The following MEF2C variants were observed in gnomAD, a reference collection of about 807,000 sequenced individuals.
MEF2C encodes the protein myocyte enhancer factor 2C.
Under a neutral mutation model 50.5 loss-of-function variants are expected in MEF2C, and 6 were observed. The observed-to-expected ratio is 0.12, with a 90% confidence interval of 0.07 to 0.23. The LOEUF is 0.23. Ranked by LOEUF, MEF2C falls within the 10% of genes least tolerant of loss-of-function variation. The pLI, the probability that MEF2C is intolerant of heterozygous loss-of-function variation, is 1.00. For missense variants in MEF2C, 276 were observed against 605.0 expected (o/e 0.46, Z 5.70); for synonymous variants, 183 against 228.0 (o/e 0.80, Z 1.78).
At chr5:88,734,593 T>TCAA in intron 6 of MEF2C, 3 of 853,872 alleles carry the variant, frequency 3.5e-6, no homozygotes, top group Non-Finnish European at 4.1e-6. Context: ...TTTTTTTTTT[T>TCAA]TTTTTAGCAT....
intron 1 of MEF2C, among the ~76,000 whole-genome samples, chr5:88,841,413 C>A (rs1817295922): frequency 6.7e-6 from 1 of 149,310 alleles, no homozygotes; most frequent in African/African-American, 2.5e-5. Flanking sequence ...AAGCTGAGAT[C>A]AGAGGATCGT....
At chr5:88,800,544 A>G (rs574517160) in intron 3 of MEF2C, among the ~76,000 whole-genome samples, 1 of 152,314 alleles carries the variant, frequency 6.6e-6, no homozygotes, top group Admixed American at 6.5e-5. Flanking sequence ...CTGCATCTTC[A>G]GATCATCCTG....
At chr5:88,817,597 T>C (rs1418008285) in intron 2 of MEF2C, among the ~76,000 whole-genome samples, 1 of 151,988 alleles carries the variant, frequency 6.6e-6, no homozygotes, top group Non-Finnish European at 1.5e-5. Context: ...TGTCTTTAGT[T>C]TGTGCTCCAG....
intron 4 of MEF2C, among the ~76,000 whole-genome samples, chr5:88,754,734 A>T (rs1774469115): frequency 6.6e-6 from 1 of 152,204 alleles, no homozygotes; most frequent in Non-Finnish European, 1.5e-5. Flanking sequence ...CAAACCAGAA[A>T]TTAGATTGAC....
At chr5:88,886,928 G>A (rs973409920), upstream of MEF2C, among the ~76,000 whole-genome samples, 23 of 152,130 alleles carry the variant, frequency 1.5e-4, no homozygotes, top group African/African-American at 5.3e-4. Context: ...TTAAAGCAGC[G>A]GTCCACTAAA....
At chr5:88,833,526 T>C (rs1561257723) in intron 1 of MEF2C, among the ~76,000 whole-genome samples, 1 of 152,148 alleles carries the variant, frequency 6.6e-6, no homozygotes, top group Non-Finnish European at 1.5e-5. Flanking sequence ...CGGATGTTTG[T>C]AGTGGTTTGA....
intron 3 of MEF2C, among the ~76,000 whole-genome samples, chr5:88,803,059 G>A (rs1296104416): frequency 6.6e-6 from 1 of 152,064 alleles, no homozygotes; most frequent in African/African-American, 2.4e-5. Context: ...ATAAGTATTA[G>A]TGCACACACA....
At chr5:88,756,240 G>A (rs1438732166) in intron 4 of MEF2C, among the ~76,000 whole-genome samples, 1 of 152,074 alleles carries the variant, frequency 6.6e-6, no homozygotes, top group East Asian at 1.9e-4. Context: ...TGGATTTCTA[G>A]TGTACCCATT....
intron 1 of MEF2C, among the ~76,000 whole-genome samples, chr5:88,836,996 G>A (rs1455924271): frequency 9.4e-5 from 5 of 53,088 alleles, no homozygotes; most frequent in Admixed American, 8.6e-4. Flanking sequence ...TTAACAAGCT[G>A]TTTCTCAAAA....
At chr5:88,761,158 A>G in intron 4 of MEF2C, 27 bp downstream of exon 4, 1 of 1,614,012 alleles carries the variant, frequency 6.2e-7, no homozygotes, top group Non-Finnish European at 8.5e-7. Flanking sequence ...AAGAGTAAAA[A>G]AAATGAAGGG....
chr5:88,827,684 T>G (rs560819823), intron 1 of MEF2C, among the ~76,000 whole-genome samples: 3 of 152,068 alleles, frequency 2.0e-5, no homozygotes, highest in African/African-American at 7.2e-5. Context: ...TTCATTGAAA[T>G]AGCAGATATA....
At chr5:88,732,169 A>T (rs1402746597) in intron 6 of MEF2C, among the ~76,000 whole-genome samples, 1 of 152,164 alleles carries the variant, frequency 6.6e-6, no homozygotes, top group Non-Finnish European at 1.5e-5. Context: ...TCCTATCAAA[A>T]ATATTCAGGA....
chr5:88,754,304 G>A (rs1313256583), intron 4 of MEF2C, among the ~76,000 whole-genome samples: 1 of 152,174 alleles, frequency 6.6e-6, no homozygotes, highest in African/African-American at 2.4e-5. Flanking sequence ...CATAGATCTT[G>A]CTGTGATCTG....
intron 3 of MEF2C, among the ~76,000 whole-genome samples, chr5:88,769,663 TAGAC>T (rs1420313007): frequency 1.3e-5 from 2 of 152,304 alleles, no homozygotes; most frequent in Non-Finnish European, 2.9e-5. Context: ...TTGTTGTTGT[TAGAC>T]AGAGTCTTGC....
chr5:88,809,869 C>A (rs577233116), intron 2 of MEF2C, among the ~76,000 whole-genome samples: 3 of 152,176 alleles, frequency 2.0e-5, no homozygotes, highest in Non-Finnish European at 4.4e-5. Context: ...ATGCCAACTT[C>A]TTTCTTTGAT....
At chr5:88,774,409 G>A (rs1030096137) in intron 3 of MEF2C, among the ~76,000 whole-genome samples, 7 of 148,786 alleles carry the variant, frequency 4.7e-5, no homozygotes, top group Non-Finnish European at 8.9e-5. Flanking sequence ...TGCAAGCTCC[G>A]CCTTCCAGGT....
intron 6 of MEF2C, chr5:88,735,463 G>T (rs1030013386): frequency 5.8e-5 from 57 of 985,198 alleles, no homozygotes; most frequent in Non-Finnish European, 6.4e-5. Flanking sequence ...TAAAGCAGGA[G>T]TGAATGGATT....
intron 6 of MEF2C, chr5:88,738,800 C>G: frequency 2.0e-6 from 2 of 985,296 alleles, no homozygotes; most frequent in Non-Finnish European, 2.4e-6. Flanking sequence ...AATAGTAGTT[C>G]TGGTTCAGAA....
rs72773816 is a variant in MEF2C, at chr5:88,863,523, T to C, written c.-143+19432A>G. On this transcript the variant is annotated intron_variant, in intron 1 of 10. Coordinates refer to ENST00000504921, the MANE Select transcript of MEF2C (RefSeq NM_002397.5). Reference sequence around the variant, plus strand: ...GTTCAAGATTCACTATTTTGAAATATACAATACATTATTATTAACTATAGT... The same window carrying C: ...GTTCAAGATTCACTATTTTGAAATACACAATACATTATTATTAACTATAGT... Among the ~76,000 whole-genome samples, 336 of 152,290 alleles carry C rather than the reference T, an allele frequency of 2.2e-3. 3 individuals carry two copies. The highest frequency in any genetic ancestry group is 3.8e-3 in the Non-Finnish European group (258 of 68,026).
Sources: allele counts gnomAD v4.1 joint callset (sites outside exome capture counted in the v4.1 genomes callset), GRCh38; gene constraint gnomAD v4.1.1; transcripts MANE v1.5; gene names NCBI Gene and HGNC (gene_info 2026-07-23, HGNC 2026-07-21).